Variants in P2RX4 observed in about 807,000 individuals in gnomAD.
The protein encoded by P2RX4 is P2X purinoceptor 4.
P2RX4 carries 37 observed loss-of-function variants against 48.0 expected under a neutral mutation model. The observed-to-expected ratio is 0.77, with a 90% CI of 0.59 to 1.01. The LOEUF (loss-of-function observed/expected upper bound fraction) is 1.01. Among genes scored for constraint, P2RX4 ranks in the 50% least tolerant of loss-of-function variants. The pLI, the probability that P2RX4 is intolerant of heterozygous loss-of-function variation, is 0.00. For synonymous variants in P2RX4, 200 were observed against 199.7 expected (o/e 1.00, Z -0.01); for missense variants, 501 against 521.4 (o/e 0.96, Z 0.38).
At chr12:121,230,984 T>TATATATA (rs61460996) in intron 8 of P2RX4, among the ~76,000 whole-genome samples, 4 of 78,488 alleles carry the variant, frequency 5.1e-5, no homozygotes, top group Admixed American at 3.8e-4. Flanking sequence ...ATATATATAT[T>TATATATA]TTTTTTTTTT....
At chr12:121,230,955 T>TTA (rs1049186456) in intron 8 of P2RX4, among the ~76,000 whole-genome samples, 6 of 146,042 alleles carry the variant, frequency 4.1e-5, no homozygotes, top group South Asian at 2.2e-4. Flanking sequence ...TATATAGCCA[T>TTA]TATATATATA....
In P2RX4 at chr12:121,228,957, C is replaced by T. The variant is rs1887172619; in HGVS notation, c.748-6C>T. ...GCCTTGCCGTGTCTCTGCTGCTCAT[C>T]CCCAGGGAGGCATCATGGGCATCCA... On this transcript the variant is annotated splice_polypyrimidine_tract_variant and splice_region_variant and intron_variant, in intron 7 of 11. Coordinates refer to ENST00000337233, the MANE Select transcript of P2RX4 (RefSeq NM_002560.3). The T allele has an allele frequency of 6.2e-7, 1 of 1,614,090 alleles. No individual in the cohort carries two copies. Among genetic ancestry groups the T allele is most frequent in the African/African-American group, 1.3e-5 (1 of 75,042 alleles).
intron 1 of P2RX4, chr12:121,212,824 A>ATAT (rs370835501): frequency 4.3e-4 from 14 of 32,254 alleles, no homozygotes; most frequent in East Asian, 2.2e-3. Context: ...ATATATATAT[A>ATAT]TTTTTTTTTT....
intron 1 of P2RX4, chr12:121,212,812 A>AT (rs1374819479): frequency 3.0e-5 from 1 of 33,008 alleles, no homozygotes; most frequent in African/African-American, 1.4e-4. Flanking sequence ...ATATATATAT[A>AT]TATATATATA....
At position 121,217,218 on chromosome 12, in the gene P2RX4, G is replaced by C; in HGVS notation, c.219G>C (p.Val73=). ...CGACCAAGGTCAAGGGCGTGGCTGTGACCAACACTTCTAAACTTGGATTCC... is the reference window on the plus strand; with the variant it reads ...CGACCAAGGTCAAGGGCGTGGCTGTCACCAACACTTCTAAACTTGGATTCC... ...SVTTKVKGVA[V]TNTSKLGFRI... The change falls in exon 2 of 12, where the codon GTG becomes GTC. Residue 73 remains valine (V), a synonymous_variant. Transcript: ENST00000337233. The C allele has an allele frequency of 6.2e-7, 1 of 1,614,222 alleles. No individual in the cohort carries two copies. The highest frequency in any genetic ancestry group is 8.5e-7 in the Non-Finnish European group (1 of 1,180,032).
intron 5 of P2RX4, 53 bp downstream of exon 5, chr12:121,223,096 C>A: frequency 8.8e-7 from 1 of 1,135,814 alleles, no homozygotes; most frequent in Non-Finnish European, 1.3e-6. Flanking sequence ...TTGTTTTAGA[C>A]ACAGTTTCAC....
rs999659159 is a variant in P2RX4, at chr12:121,229,254, A to G, written c.884+155A>G. ...AAGGCGGCGGGAAGGCCATGCTGGGAAAATGCCCTTAGTGGTGTCCTGCTC... is the reference window on the plus strand; with the variant it reads ...AAGGCGGCGGGAAGGCCATGCTGGGGAAATGCCCTTAGTGGTGTCCTGCTC... On this transcript the variant is annotated intron_variant, in intron 8 of 11. Transcript: ENST00000337233. The surrounding 1 kb of genome is among the most constrained non-coding windows in gnomAD (Gnocchi z 4.6). Among the ~76,000 whole-genome samples, 1 of 152,200 alleles carries G rather than the reference A, an allele frequency of 6.6e-6. No homozygotes were observed. Among genetic ancestry groups the G allele is most frequent in the Admixed American group, 6.5e-5 (1 of 15,280 alleles).
chr12:121,226,301 T>A (rs927283241), intron 5 of P2RX4, among the ~76,000 whole-genome samples: 1 of 151,940 alleles, frequency 6.6e-6, no homozygotes, highest in African/African-American at 2.4e-5. Flanking sequence ...CCCAGCACTT[T>A]GGGAGGCAGA....
At chr12:121,213,474 C>T (rs1886021987) in intron 1 of P2RX4, 2 of 152,148 alleles carry the variant, frequency 1.3e-5, no homozygotes, top group Non-Finnish European at 2.9e-5. Flanking sequence ...TTATTGATGA[C>T]ATGTTAAAAT....
chr12:121,221,575 G>A lies in P2RX4; in HGVS notation c.283-338G>A, dbSNP rs61164087. 2.9e-3 allele frequency among the ~76,000 whole-genome samples: 441 copies of A among 151,548 alleles called. 3 individuals carry two copies. The highest frequency in any genetic ancestry group is 0.01 in the African/African-American group (422 of 41,312). On this transcript the variant is annotated intron_variant, in intron 2 of 11. Coordinates refer to ENST00000337233, the MANE Select transcript of P2RX4 (RefSeq NM_002560.3). ...CACCCGGCTAATTTTTGTATTTTTA[G>A]TAGAGACGGGGGTTTCACTGTGTTG... is the stretch of plus-strand genomic sequence containing the variant.
intron 1 of P2RX4, chr12:121,214,628 C>A: frequency 6.6e-6 from 1 of 152,300 alleles, no homozygotes; most frequent in Non-Finnish European, 1.5e-5. Context: ...GTGTGTCAGA[C>A]TGGAATTAAA....
chr12:121,210,252 C>G lies in P2RX4; in HGVS notation c.88C>G (p.Leu30Val), dbSNP rs972189790. 6.4e-7 allele frequency: 1 copy of G among 1,561,108 alleles called. No homozygotes were observed. The highest frequency in any genetic ancestry group is 8.6e-7 in the Non-Finnish European group (1 of 1,158,116). ...IVLIRSRKVG[L>V]MNRAVQLLIL... is the part of the protein sequence containing the mutation. ...GCTCATCCGCAGCCGCAAAGTGGGG[C>G]TCATGAACCGCGCCGTGCAACTGCT... The change falls in exon 1 of 12, where the codon CTC becomes GTC. Residue 30 changes from leucine to valine, a missense_variant. Physicochemically the swap from Leu to Val is conservative, Grantham distance 32. Transcript: ENST00000337233.
chr12:121,228,549 G>A lies in P2RX4; in HGVS notation c.541G>A (p.Ala181Thr). ...GTTTTTCAGACCTGCTTTTTTAAAG[G>A]CTGCAGAAAACTTCACTCTTTTGGT... ...THVPQPAFLK[A>T]AENFTLLVKN... is the part of the protein sequence containing the mutation. Residue 181 changes from alanine to threonine, a missense_variant, in exon 6 of 12, where the codon GCT becomes ACT. By Grantham distance (58) the Ala-to-Thr change is moderately conservative. This residue lies in a region of P2RX4 where 295 missense variants were observed against 275.3 expected (regional missense o/e 1.07). Transcript: ENST00000337233. 1 of 1,611,342 alleles carries A rather than the reference G, an allele frequency of 6.2e-7. No individual in the cohort carries two copies. The highest frequency in any genetic ancestry group is 1.1e-5 in the South Asian group (1 of 90,282).
chr12:121,211,485 G>A (rs1044591907), intron 1 of P2RX4, among the ~76,000 whole-genome samples: 1 of 151,432 alleles, frequency 6.6e-6, no homozygotes, highest in Non-Finnish European at 1.5e-5. Flanking sequence ...CCCCACGCGG[G>A]GCTGGCACCT....
chr12:121,233,199 G>C, intron 11 of P2RX4, 107 bp downstream of exon 11: 1 of 761,830 alleles, frequency 1.3e-6, no homozygotes, highest in Non-Finnish European at 2.2e-6. Context: ...GCTGGCACCA[G>C]TGTGGCGTGG....
At chr12:121,220,683 A>T (rs977460160) in intron 2 of P2RX4, among the ~76,000 whole-genome samples, 20 of 152,216 alleles carry the variant, frequency 1.3e-4, no homozygotes, top group African/African-American at 4.8e-4. Flanking sequence ...AAAATGAAAA[A>T]TTCAGCACAT....
Position 121,223,704 on chromosome 12 carries a change from G to A in P2RX4, c.524+661G>A, listed in dbSNP as rs1019845357. 1.0e-3 allele frequency among the ~76,000 whole-genome samples: 159 copies of A among 152,334 alleles called. 1 individual carries two copies. Among genetic ancestry groups the A allele is most frequent in the African/African-American group, 3.4e-3 (140 of 41,574 alleles). ...CAAACACATACACACATACACATGC[G>A]TGCACAGCGGGGGGGCAGTGTATTG... On this transcript the variant is annotated intron_variant, in intron 5 of 11. Coordinates refer to ENST00000337233, the MANE Select transcript of P2RX4 (RefSeq NM_002560.3).
intron 4 of P2RX4, 181 bp from the exon 5 acceptor site, chr12:121,222,766 A>C: frequency 6.6e-7 from 1 of 1,526,498 alleles, no homozygotes; most frequent in Non-Finnish European, 8.8e-7. Flanking sequence ...GCTGGCACAC[A>C]GGTAACTGTC....
Position 121,222,957 on chromosome 12 carries a change from A to C in P2RX4, c.438A>C (p.Thr146=). 6.2e-7 allele frequency: 1 copy of C among 1,612,230 alleles called. No homozygotes were observed. Among genetic ancestry groups the C allele is most frequent in the Non-Finnish European group, 8.5e-7 (1 of 1,178,358 alleles). The part of the protein sequence containing the change: ...SAGTHSNGVS[T]GRCVAFNGSV... ...CCCTTGTGCTTGTAGGAGTCTCAACAGGCAGGTGCGTAGCTTTCAACGGGT... is the reference window on the plus strand; with the variant it reads ...CCCTTGTGCTTGTAGGAGTCTCAACCGGCAGGTGCGTAGCTTTCAACGGGT... Residue 146 remains threonine (T), a synonymous_variant, in exon 5 of 12, where the codon ACA becomes ACC. Coordinates refer to ENST00000337233, the MANE Select transcript of P2RX4 (RefSeq NM_002560.3).
Sources: gnomAD v4.1 joint callset for allele counts (sites outside exome capture counted in the v4.1 genomes callset) on GRCh38, gnomAD v4.1.1 for gene constraint, gnomAD v4.1.1 regional missense constraint, Gnocchi (gnomAD v3.1) non-coding constraint, MANE v1.5 for transcripts, NCBI Gene and HGNC (gene_info 2026-07-23, HGNC 2026-07-21) for gene names.